SMG6: variants seen among roughly 807,000 people sequenced by gnomAD.
SMG6 encodes telomerase-binding protein EST1A.
A neutral mutation model predicts 142.2 loss-of-function variants in SMG6; 66 were observed. That is an observed-to-expected ratio of 0.46 (90% CI 0.38 to 0.57). The LOEUF is 0.57. SMG6 is among the 20% of genes least tolerant of loss of function. The probability of loss-of-function intolerance (pLI) is 0.00; values close to 1 mark genes in which losing one functional copy is unlikely to be tolerated. For synonymous variants in SMG6, 779 were observed against 702.4 expected, an observed-to-expected ratio of 1.11 and a Z score of -1.72; for missense variants, 1,793 against 1,832.0, an observed-to-expected ratio of 0.98 and a Z score of 0.39.
At chr17:2,290,405 C>T (rs1183231892) in intron 6 of SMG6, among the ~76,000 whole-genome samples, 1 of 152,194 alleles carries the variant, frequency 6.6e-6, no homozygotes, top group African/African-American at 2.4e-5. Context: ...AACTGTATAT[C>T]CACCTGCATC....
intron 6 of SMG6, among the ~76,000 whole-genome samples, chr17:2,287,098 ATT>A: frequency 6.6e-6 from 1 of 151,882 alleles, no homozygotes; most frequent in East Asian, 1.9e-4. Context: ...CGCCTGGCTA[ATT>A]TTTTGTATTT....
At chr17:2,280,545 A>G in intron 8 of SMG6, 1 of 975,790 alleles carries the variant, frequency 1.0e-6, no homozygotes, top group Non-Finnish European at 1.2e-6. Flanking sequence ...TTACAGGCGT[A>G]AGCCACCGCG....
intron 10 of SMG6, among the ~76,000 whole-genome samples, chr17:2,204,855 C>G (rs2072630944): frequency 6.6e-6 from 1 of 152,024 alleles, no homozygotes; most frequent in South Asian, 2.1e-4. Flanking sequence ...CCCAGCTAAT[C>G]AGGAGGCTTA....
intron 13 of SMG6, among the ~76,000 whole-genome samples, chr17:2,091,675 T>A (rs866359752): frequency 6.9e-5 from 2 of 28,998 alleles, no homozygotes; most frequent in Non-Finnish European, 1.8e-4. Flanking sequence ...TCTTTTTGCT[T>A]TTTTTTTTTT....
rs1222775440 is a variant in SMG6 at position 2,071,545 on chromosome 17, A to G, written c.3682-2614T>C. On this transcript the variant is annotated intron_variant, in intron 15 of 18. Coordinates refer to ENST00000263073, the MANE Select transcript of SMG6 (RefSeq NM_017575.5). The surrounding 1 kb of genome is among the most constrained non-coding windows in gnomAD (Gnocchi z 5.6). The stretch of plus-strand genomic sequence containing the variant: ...GCTTCCCTGGGTGTGGGGTGGGGCC[A>G]AGCCCCGTGAGGGTGGTCAGAGCTG... Among the ~76,000 whole-genome samples, 7 of 152,196 alleles carry G rather than the reference A, an allele frequency of 4.6e-5. No individual in the cohort carries two copies. The highest frequency in any genetic ancestry group is 8.8e-5 in the Non-Finnish European group (6 of 68,038).
At chr17:2,100,856 T>C (rs1484913396) in intron 13 of SMG6, among the ~76,000 whole-genome samples, 1 of 150,410 alleles carries the variant, frequency 6.6e-6, no homozygotes, top group Non-Finnish European at 1.5e-5. Flanking sequence ...CAGAATGTAT[T>C]GCACAGGCTG....
intron 8 of SMG6, among the ~76,000 whole-genome samples, chr17:2,275,704 C>G (rs2074633936): frequency 6.6e-6 from 1 of 152,196 alleles, no homozygotes; most frequent in South Asian, 2.1e-4. Context: ...AGACGAAGAA[C>G]AGCAGAAGAT....
intron 8 of SMG6, among the ~76,000 whole-genome samples, chr17:2,264,775 G>A (rs1276393374): frequency 6.6e-6 from 1 of 151,818 alleles, no homozygotes; most frequent in Non-Finnish European, 1.5e-5. Context: ...GGTGGTGTGT[G>A]CCTGTAGTCC....
At chr17:2,298,162 A>G in intron 2 of SMG6, 107 bp from the exon 3 acceptor site, 1 of 1,005,086 alleles carries the variant, frequency 9.9e-7, no homozygotes, top group African/African-American at 1.6e-5. Flanking sequence ...CAGGAAATAA[A>G]AAATGTGACC....
At chr17:2,150,623 T>C (rs1422843493) in intron 13 of SMG6, among the ~76,000 whole-genome samples, 3 of 152,182 alleles carry the variant, frequency 2.0e-5, no homozygotes, top group African/African-American at 4.8e-5. Flanking sequence ...GCTATGGAAG[T>C]GACCAGGTTC....
chr17:2,195,204 T>A (rs1421623408), intron 10 of SMG6, among the ~76,000 whole-genome samples: 4 of 152,224 alleles, frequency 2.6e-5, no homozygotes, highest in African/African-American at 9.7e-5. Context: ...GAATCCCTCA[T>A]GACATCATAA....
intron 13 of SMG6, among the ~76,000 whole-genome samples, chr17:2,140,247 G>C (rs2070434869): frequency 6.6e-6 from 1 of 152,024 alleles, no homozygotes; most frequent in African/African-American, 2.4e-5. Flanking sequence ...ACTTTTAGTA[G>C]AGATGGGGTT....
At chr17:2,238,905 G>A (rs1330839619) in intron 9 of SMG6, among the ~76,000 whole-genome samples, 3 of 149,614 alleles carry the variant, frequency 2.0e-5, no homozygotes, top group Non-Finnish European at 4.4e-5. Context: ...AAGGATATAA[G>A]TTAGAGTAAC....
chr17:2,253,123 A>T (rs1233764052), intron 8 of SMG6, among the ~76,000 whole-genome samples: 2 of 145,998 alleles, frequency 1.4e-5, no homozygotes, highest in Admixed American at 6.9e-5. Flanking sequence ...ATTTTATTTT[A>T]TTTATTTATT....
chr17:2,069,527 C>T (rs1352722288), intron 15 of SMG6, among the ~76,000 whole-genome samples: 4 of 150,368 alleles, frequency 2.7e-5, no homozygotes, highest in Middle Eastern at 3.2e-3. Context: ...GCTCTGGAGG[C>T]GGAGGCTGCA....
chr17:2,110,176 G>A (rs2069273082), intron 13 of SMG6, among the ~76,000 whole-genome samples: 1 of 150,658 alleles, frequency 6.6e-6, no homozygotes, highest in South Asian at 2.1e-4. Context: ...TGCTGACAAA[G>A]TACCAAAGGA....
intron 10 of SMG6, among the ~76,000 whole-genome samples, chr17:2,205,494 T>G (rs2072651397): frequency 6.6e-6 from 1 of 152,160 alleles, no homozygotes; most frequent in Non-Finnish European, 1.5e-5. Context: ...TGAGATAACA[T>G]TAAAGTAGAT....
chr17:2,108,874 T>C (rs1329185889), intron 13 of SMG6, among the ~76,000 whole-genome samples: 2 of 150,548 alleles, frequency 1.3e-5, no homozygotes, highest in African/African-American at 4.9e-5. Context: ...AATCCAGGAG[T>C]TGGAGGTTGC....
intron 10 of SMG6, among the ~76,000 whole-genome samples, chr17:2,189,046 T>C (rs975670502): frequency 6.6e-6 from 1 of 152,206 alleles, no homozygotes; most frequent in Non-Finnish European, 1.5e-5. Context: ...ATGTCCCTCC[T>C]CCTAAGAAAA....
Sources: gnomAD v4.1 joint callset for allele counts (sites outside exome capture counted in the v4.1 genomes callset) on GRCh38, gnomAD v4.1.1 for gene constraint, Gnocchi (gnomAD v3.1) non-coding constraint, MANE v1.5 for transcripts, NCBI Gene and HGNC (gene_info 2026-07-23, HGNC 2026-07-21) for gene names.